CELF6: variants seen among roughly 807,000 people sequenced by gnomAD.
CELF6 encodes the protein CUGBP Elav-like family member 6.
CELF6 carries 32 observed loss-of-function variants against 53.1 expected under a neutral mutation model. The ratio of observed to expected loss-of-function variants is 0.60; its 90% CI spans 0.46 to 0.81. The LOEUF (loss-of-function observed/expected upper bound fraction) is 0.81, where lower values mean the gene tolerates loss of function less well. Ranked by LOEUF, CELF6 falls within the 30% of genes least tolerant of loss-of-function variation. The pLI is 0.00. For missense variants in CELF6, 539 were observed against 669.5 expected, an observed-to-expected ratio of 0.81 and a Z score of 2.15; for synonymous variants, 291 against 288.8, an observed-to-expected ratio of 1.01 and a Z score of -0.08.
intron 1 of CELF6, among the ~76,000 whole-genome samples, chr15:72,317,354 T>C (rs541707909): frequency 6.6e-6 from 1 of 152,278 alleles, no homozygotes; most frequent in East Asian, 1.9e-4. Context: ...CCTCAGCAGA[T>C]TAGAAAGGCA....
In CELF6 at chr15:72,290,034, G is replaced by A. The variant is rs1486946559; in HGVS notation, c.524-16C>T. 2 of 1,612,380 alleles carry A rather than the reference G, an allele frequency of 1.2e-6. No individual in the cohort carries two copies. The highest frequency in any genetic ancestry group is 2.7e-5 in the African/African-American group (2 of 75,028). The stretch of plus-strand genomic sequence containing the variant: ...AAGGCACAGCCTGGGGCAGGACAGA[G>A]GGAGCGGGTGGCTCAGGCCACAGGG... On this transcript the variant is annotated splice_polypyrimidine_tract_variant and intron_variant, in intron 4 of 12. Coordinates refer to ENST00000287202, the MANE Select transcript of CELF6 (RefSeq NM_052840.5).
At chr15:72,293,041 T>C (rs1383694521) in intron 3 of CELF6, among the ~76,000 whole-genome samples, 1 of 152,136 alleles carries the variant, frequency 6.6e-6, no homozygotes, top group East Asian at 1.9e-4. Flanking sequence ...AATTTTTTTT[T>C]CCATTTCCCT....
Position 72,288,443 on chromosome 15 carries a change from C to T in CELF6, c.1183G>A (p.Gly395Ser), listed in dbSNP as rs2087949501. ...LPQQQREGPE[G>S]CNLFIYHLPQ... ...AGGTGATAGATGAAGAGGTTACAGCCTTCGGGGCCTGGAGGAACAGTAGCA... is the reference window on the plus strand; with the variant it reads ...AGGTGATAGATGAAGAGGTTACAGCTTTCGGGGCCTGGAGGAACAGTAGCA... Residue 395 changes from glycine to serine, a missense_variant, in exon 11 of 13, where the codon GGC becomes AGC. Physicochemically the swap from Gly to Ser is moderately conservative, Grantham distance 56. Transcript: ENST00000287202. The surrounding 1 kb of genome is among the most constrained non-coding windows in gnomAD (Gnocchi z 4.6). 6.2e-7 allele frequency: 1 copy of T among 1,614,180 alleles called. No homozygotes were observed. The highest frequency in any genetic ancestry group is 1.1e-5 in the South Asian group (1 of 91,086).
At chr15:72,301,125 G>C (rs559321596) in intron 3 of CELF6, among the ~76,000 whole-genome samples, 1 of 151,982 alleles carries the variant, frequency 6.6e-6, no homozygotes, top group South Asian at 2.1e-4. Context: ...CTGGGTAGCT[G>C]GGACTAAAGA....
At chr15:72,294,699 C>T (rs1324539554) in intron 3 of CELF6, among the ~76,000 whole-genome samples, 4 of 152,172 alleles carry the variant, frequency 2.6e-5, no homozygotes, top group South Asian at 2.1e-4. Flanking sequence ...AAAGCAAAAG[C>T]CAGCACGGTG....
At chr15:72,299,445 C>T (rs2088123860) in intron 3 of CELF6, among the ~76,000 whole-genome samples, 1 of 150,592 alleles carries the variant, frequency 6.6e-6, no homozygotes, top group Non-Finnish European at 1.5e-5. Context: ...CTGCAACCTC[C>T]GCCTCCTGGG....
chr15:72,304,601 T>C (rs2088201440), intron 3 of CELF6, 145 bp downstream of exon 3: 4 of 698,512 alleles, frequency 5.7e-6, no homozygotes, highest in South Asian at 1.8e-5. Context: ...GGCTGAGCTA[T>C]TTCTGGGGCT....
At chr15:72,301,734 A>ATTTTTTTTTT (rs34705032) in intron 3 of CELF6, among the ~76,000 whole-genome samples, 1 of 125,870 alleles carries the variant, frequency 7.9e-6, no homozygotes. Flanking sequence ...TAAAAAGTTG[A>ATTTTTTTTTT]TTTTTTTTTT....
intron 2 of CELF6, among the ~76,000 whole-genome samples, chr15:72,309,684 T>A (rs997889685): frequency 6.6e-6 from 1 of 152,206 alleles, no homozygotes; most frequent in South Asian, 2.1e-4. Flanking sequence ...ATGAGCTTCC[T>A]GGGCAACCTA....
Position 72,309,746 on chromosome 15 carries a change from T to C in CELF6, c.346-4952A>G, listed in dbSNP as rs1017502337. On this transcript the variant is annotated intron_variant, in intron 2 of 12. Transcript: ENST00000287202. ...GCAGAGGAGGGACATGGCAGTGGGA[T>C]AATCAGGACGTAATCAGGAGTCCCC... Among the ~76,000 whole-genome samples, 67 of 152,322 alleles carry C rather than the reference T, an allele frequency of 4.4e-4. 1 individual carries two copies. The highest frequency in any genetic ancestry group is 1.5e-3 in the African/African-American group (62 of 41,564).
intron 3 of CELF6, among the ~76,000 whole-genome samples, chr15:72,296,016 T>C (rs1235246715): frequency 6.6e-6 from 1 of 152,186 alleles, no homozygotes; most frequent in Non-Finnish European, 1.5e-5. Flanking sequence ...ACTATGGTAC[T>C]GGCATAAAGA....
intron 2 of CELF6, among the ~76,000 whole-genome samples, chr15:72,309,756 G>A (rs946611420): frequency 1.3e-5 from 2 of 152,190 alleles, no homozygotes; most frequent in African/African-American, 2.4e-5. Context: ...TAATCAGGAC[G>A]TAATCAGGAG....
intron 4 of CELF6, 40 bp downstream of exon 4, chr15:72,290,087 G>C (rs567305506): frequency 6.2e-7 from 1 of 1,613,156 alleles, no homozygotes; most frequent in East Asian, 2.2e-5. Context: ...CCCAGAGTGA[G>C]GAAGGGTCAC....
At chr15:72,314,513 A>C (rs1283783678) in intron 2 of CELF6, among the ~76,000 whole-genome samples, 7 of 151,976 alleles carry the variant, frequency 4.6e-5, no homozygotes, top group South Asian at 2.1e-4. Context: ...AGTCCAAGTA[A>C]CGTGCCCAGA....
chr15:72,296,632 A>G lies in CELF6; in HGVS notation c.395-6377T>C, dbSNP rs530628081. ...CAAACCTTCTATTTAATAATGGGCA[A>G]AGGATTTGTATAGATGTTTCTGCAA... On this transcript the variant is annotated intron_variant, in intron 3 of 12. Transcript: ENST00000287202. 2.4e-4 allele frequency among the ~76,000 whole-genome samples: 36 copies of G among 152,254 alleles called. 1 individual carries two copies. The highest frequency in any genetic ancestry group is 4.6e-4 in the Non-Finnish European group (31 of 68,048).
At position 72,314,589 on chromosome 15, in the gene CELF6, G is replaced by GTTTTTTTTTTTTTTTTTTTTT. The variant is rs984879836; in HGVS notation, c.345+1235_345+1255dup. Among the ~76,000 whole-genome samples, 13 of 97,844 alleles carry GTTTTTTTTTTTTTTTTTTTTT rather than the reference G, an allele frequency of 1.3e-4. 1 individual carries two copies. The highest frequency in any genetic ancestry group is 5.8e-4 in the African/African-American group (12 of 20,712). The allele number at this position is 97,844 out of a possible 152,430, so 64.2% of individuals were successfully genotyped here. A position where few individuals can be genotyped will look rare whatever the true frequency, so the allele number is the denominator to read the frequency against. ...AGGTCTGTGAGACTCAAAACCCAGT[G>GTTTTTTTTTTTTTTTTTTTTT]TTTTTTTTTTTTTTTTTTTTTTTGA... On this transcript the variant is annotated intron_variant, in intron 2 of 12. Transcript: ENST00000287202.
intron 3 of CELF6, among the ~76,000 whole-genome samples, chr15:72,297,213 G>A (rs2088092249): frequency 6.6e-6 from 1 of 152,144 alleles, no homozygotes; most frequent in Non-Finnish European, 1.5e-5. Flanking sequence ...TCCATGCTAT[G>A]CAATAGATCA....
intron 2 of CELF6, among the ~76,000 whole-genome samples, chr15:72,313,483 G>T (rs1195074465): frequency 6.6e-6 from 1 of 152,146 alleles, no homozygotes; most frequent in Non-Finnish European, 1.5e-5. Context: ...GTGGAGGAGA[G>T]ATTTTTTTCC....
intron 2 of CELF6, among the ~76,000 whole-genome samples, chr15:72,309,755 C>T (rs764733110): frequency 2.0e-4 from 31 of 152,172 alleles, no homozygotes; most frequent in Non-Finnish European, 4.0e-4. Flanking sequence ...ATAATCAGGA[C>T]GTAATCAGGA....
Sources: gnomAD v4.1 joint callset for allele counts (sites outside exome capture counted in the v4.1 genomes callset) on GRCh38, gnomAD v4.1.1 for gene constraint, Gnocchi (gnomAD v3.1) non-coding constraint, MANE v1.5 for transcripts, NCBI Gene and HGNC (gene_info 2026-07-23, HGNC 2026-07-21) for gene names.